Variants in DIAPH2 observed in about 807,000 individuals in gnomAD.
The protein encoded by DIAPH2 is protein diaphanous homolog 2.
In DIAPH2, 35 loss-of-function variants were observed where a neutral mutation model predicts 92.7. That is an observed-to-expected ratio of 0.38 (90% confidence interval 0.29 to 0.50). The LOEUF is 0.50. Ranked by LOEUF, DIAPH2 falls within the 20% of genes least tolerant of loss-of-function variation. The pLI is 0.94. For missense variants in DIAPH2, 701 were observed against 819.5 expected (o/e 0.86, Z 1.77); for synonymous variants, 301 against 280.4 (o/e 1.07, Z -0.73).
intron 26 of DIAPH2, among the ~76,000 whole-genome samples, chrX:97,433,452 G>A (rs906871602): frequency 1.8e-5 from 2 of 111,877 alleles, no homozygotes; most frequent in Admixed American, 9.5e-5. Flanking sequence ...GTAGGCAGAC[G>A]TTGCAATGAG....
chrX:96,968,373 C>G (rs1354941553), intron 17 of DIAPH2, among the ~76,000 whole-genome samples: 5 of 110,306 alleles, frequency 4.5e-5, no homozygotes, highest in Admixed American at 2.9e-4. Context: ...TGCCCGCCAC[C>G]ATGCCCAGCT....
At chrX:97,325,846 G>A (rs2068946753) in intron 23 of DIAPH2, among the ~76,000 whole-genome samples, 1 of 111,967 alleles carries the variant, frequency 8.9e-6, no homozygotes, top group Non-Finnish European at 1.9e-5. Flanking sequence ...CAAAGTGCTG[G>A]GATTACAGGC....
chrX:96,766,468 G>T (rs745732952), intron 4 of DIAPH2, among the ~76,000 whole-genome samples: 2 of 107,480 alleles, frequency 1.9e-5, no homozygotes, highest in African/African-American at 3.4e-5. Context: ...TTTTTTGTTT[G>T]TTTTTTTTTC....
chrX:97,309,623 G>A (rs970260820), intron 23 of DIAPH2, among the ~76,000 whole-genome samples: 1 of 111,716 alleles, frequency 9.0e-6, no homozygotes, highest in East Asian at 2.8e-4. Context: ...TTCAAGAACT[G>A]TGTTTCTCTG....
chrX:97,204,998 GAGACC>G (rs2067784355), intron 22 of DIAPH2, among the ~76,000 whole-genome samples: 1 of 110,697 alleles, frequency 9.0e-6, no homozygotes, highest in Admixed American at 9.7e-5. Context: ...GAGCAGAACA[GAGACC>G]TCACAGTGTA....
intron 26 of DIAPH2, among the ~76,000 whole-genome samples, chrX:97,557,093 G>A (rs1247457415): frequency 1.8e-5 from 2 of 111,795 alleles, no homozygotes; most frequent in Admixed American, 1.9e-4. Context: ...ATAAAAACAT[G>A]GTATCATGAA....
chrX:97,223,619 TATTTTCTA>T (rs1433663728), intron 22 of DIAPH2, among the ~76,000 whole-genome samples: 1 of 112,069 alleles, frequency 8.9e-6, no homozygotes, highest in African/African-American at 3.2e-5. Context: ...TTTTGCCTTA[TATTTTCTA>T]ATTTTCTATA....
At chrX:97,043,554 T>C (rs890749197) in intron 17 of DIAPH2, among the ~76,000 whole-genome samples, 1 of 110,956 alleles carries the variant, frequency 9.0e-6, no homozygotes, top group African/African-American at 3.3e-5. Flanking sequence ...TTGTGAGGGA[T>C]AATTTTAATG....
At chrX:96,970,350 GTTGTTTGT>G (rs147570185) in intron 17 of DIAPH2, among the ~76,000 whole-genome samples, 2 of 106,053 alleles carry the variant, frequency 1.9e-5, no homozygotes, top group African/African-American at 3.4e-5. Context: ...TCTGGGTGTT[GTTGTTTGT>G]TTGTTTGTTT....
intron 5 of DIAPH2, among the ~76,000 whole-genome samples, chrX:96,903,201 G>C (rs965816533): frequency 9.0e-6 from 1 of 110,674 alleles, no homozygotes; most frequent in African/African-American, 3.3e-5. Context: ...ATACAAACTG[G>C]TTTAGGAGAA....
intron 17 of DIAPH2, among the ~76,000 whole-genome samples, chrX:97,044,181 T>C (rs999510662): frequency 1.8e-5 from 2 of 111,807 alleles, no homozygotes; most frequent in African/African-American, 6.5e-5. Flanking sequence ...TAATAAGAAA[T>C]TGTCATTTTG....
chrX:97,246,266 T>C (rs1389231135), intron 22 of DIAPH2, among the ~76,000 whole-genome samples: 3 of 110,981 alleles, frequency 2.7e-5, no homozygotes, highest in Non-Finnish European at 5.7e-5. Context: ...TTTTGAATAA[T>C]TGGAATACAG....
chrX:97,264,677 A>G (rs759708369), intron 23 of DIAPH2, among the ~76,000 whole-genome samples: 20 of 112,383 alleles, frequency 1.8e-4, no homozygotes, highest in African/African-American at 4.8e-4. Flanking sequence ...GGGATGGTCA[A>G]TCTTCTCCTT....
chrX:97,050,038 C>T (rs1401576139), intron 17 of DIAPH2, among the ~76,000 whole-genome samples: 2 of 111,021 alleles, frequency 1.8e-5, no homozygotes, highest in African/African-American at 6.5e-5. Context: ...GTTGCTAAGG[C>T]GTAAAGTCAG....
intron 25 of DIAPH2, among the ~76,000 whole-genome samples, chrX:97,415,574 A>G (rs1249247604): frequency 9.1e-6 from 1 of 110,412 alleles, no homozygotes; most frequent in East Asian, 2.8e-4. Flanking sequence ...GAAGCTGGGA[A>G]CCATCATTCT....
intron 26 of DIAPH2, among the ~76,000 whole-genome samples, chrX:97,496,097 A>G (rs1049829388): frequency 1.8e-5 from 2 of 110,310 alleles, no homozygotes; most frequent in Non-Finnish European, 3.8e-5. Flanking sequence ...TACTGCTAGA[A>G]TTCAAATACT....
intron 26 of DIAPH2, among the ~76,000 whole-genome samples, chrX:97,470,061 A>T (rs2070549412): frequency 8.9e-6 from 1 of 111,957 alleles, no homozygotes; most frequent in South Asian, 3.7e-4. Flanking sequence ...TAAGTGGGAT[A>T]CAAAAGCAGT....
chrX:97,101,249 C>T (rs1398786063), intron 20 of DIAPH2, among the ~76,000 whole-genome samples: 1 of 109,469 alleles, frequency 9.1e-6, no homozygotes, highest in African/African-American at 3.4e-5. Flanking sequence ...TTCTCTGAAG[C>T]CATTTTTTTT....
chrX:97,392,328 C>T (rs12012177), intron 25 of DIAPH2, among the ~76,000 whole-genome samples: 46,752 of 110,577 alleles, frequency 0.42, 8,275 homozygotes, highest in Non-Finnish European at 0.56. Flanking sequence ...TTTTATGCTT[C>T]TTGAAGAATC....
Sources: gnomAD v4.1 joint callset for allele counts (sites outside exome capture counted in the v4.1 genomes callset) on GRCh38, gnomAD v4.1.1 for gene constraint, MANE v1.5 for transcripts, NCBI Gene and HGNC (gene_info 2026-07-23, HGNC 2026-07-21) for gene names.